Variants in LTBP3 observed in about 807,000 individuals in gnomAD.
The protein encoded by LTBP3 is latent transforming growth factor beta binding protein 3.
LTBP3 carries 97 observed loss-of-function variants against 159.7 expected under a neutral mutation model. The observed-to-expected ratio is 0.61, with a 90% confidence interval of 0.52 to 0.72. The LOEUF (loss-of-function observed/expected upper bound fraction) is 0.72, where lower values mean the gene tolerates loss of function less well. Ranked by LOEUF, LTBP3 falls within the 30% of genes least tolerant of loss-of-function variation. LTBP3 has a pLI of 0.00. For missense variants in LTBP3, 1,584 were observed against 1,864.3 expected (o/e 0.85, Z 2.77); for synonymous variants, 824 against 777.1 (o/e 1.06, Z -1.00).
chr11:65,553,251 C>G lies in LTBP3; in HGVS notation c.976G>C (p.Gly326Arg). Residue 326 changes from glycine to arginine, a missense_variant, in exon 5 of 28, where the codon GGA becomes CGA. This residue lies in a region of LTBP3 where 156 missense variants were observed against 259.7 expected (regional missense o/e 0.60). Transcript: ENST00000301873. This position sits in a 1 kb window ranked among gnomAD's most constrained non-coding sequence, Gnocchi z 6.5. ...CHKCPQLQYT[G>R]VQKPGPVRGE... ...CGTACAGGCCCTGGCTTCTGCACTC[C>G]TGTGTCTGCAGAGAGAGGATAGCTT... 1 of 1,613,632 alleles carries G rather than the reference C, an allele frequency of 6.2e-7. No homozygotes were observed. The highest frequency in any genetic ancestry group is 8.5e-7 in the Non-Finnish European group (1 of 1,179,582).
In LTBP3 at chr11:65,553,392, G is replaced by C. The variant is rs372360476; in HGVS notation, c.970+33C>G. 355 of 1,572,138 alleles carry C rather than the reference G, an allele frequency of 2.3e-4. No individual in the cohort carries two copies. The highest frequency in any genetic ancestry group is 4.2e-4 in the African/African-American group (31 of 74,250). On this transcript the variant is annotated intron_variant, in intron 4 of 27. Transcript: ENST00000301873. The surrounding 1 kb of genome is among the most constrained non-coding windows in gnomAD (Gnocchi z 6.5). ...TGGGGTGGGTGGGGAGGGGCCACCA[G>C]ATAGGGAACGCCCCCTGAGCCCAAG...
chr11:65,540,020 G>A lies in LTBP3; in HGVS notation c.3378C>T (p.Ser1126=), dbSNP rs2135119684. Residue 1126 remains serine (S), a synonymous_variant, in exon 24 of 28, where the codon AGC becomes AGT. Coordinates refer to ENST00000301873, the MANE Select transcript of LTBP3 (RefSeq NM_001130144.3). ...GCCAACCCTCGCCCTCACCGGCCGG[G>A]CTCTCGGGGAGCTGGCAATCGCGGC... The part of the protein sequence containing the change: ...PSGRDCQLPE[S]PAERAPERRD... 6.7e-7 allele frequency: 1 copy of A among 1,503,300 alleles called. No homozygotes were observed. The highest frequency in any genetic ancestry group is 8.8e-7 in the Non-Finnish European group (1 of 1,132,092). The allele number at this position is 1,503,300 out of a possible 1,614,324, so 93.1% of individuals were successfully genotyped here. A position where few individuals can be genotyped will look rare whatever the true frequency, so the allele number is the denominator to read the frequency against.
Position 65,552,882 on chromosome 11 carries a change from G to A in LTBP3, c.1164C>T (p.Gly388=). The change falls in exon 6 of 28, where the codon GGC becomes GGT. Residue 388 remains glycine, a synonymous_variant. Transcript: ENST00000301873. The surrounding 1 kb of genome is among the most constrained non-coding windows in gnomAD (Gnocchi z 6.0). ...CACCAATGCACTGTGTACGGGAGGG[G>A]CCTAAACTATGGCCAGGTGGGCAGA... is the stretch of plus-strand genomic sequence containing the variant. ...RCVCPPGHSL[G]PSRTQCIADK... is the part of the protein sequence containing the mutation. The A allele has an allele frequency of 6.2e-7, 1 of 1,614,214 alleles. No homozygotes were observed. Among genetic ancestry groups the A allele is most frequent in the Non-Finnish European group, 8.5e-7 (1 of 1,180,020 alleles).
chr11:65,543,387 G>C, intron 17 of LTBP3, 40 bp downstream of exon 17: 1 of 1,613,224 alleles, frequency 6.2e-7, no homozygotes, highest in Non-Finnish European at 8.5e-7. Flanking sequence ...TCCTGGGGTA[G>C]GGAGGGACAG....
rs937188963 is a variant in LTBP3 at position 65,543,137 on chromosome 11, C to G, written c.2564G>C (p.Gly855Ala). The G allele has an allele frequency of 6.2e-7, 1 of 1,614,038 alleles. No homozygotes were observed. The highest frequency in any genetic ancestry group is 1.3e-5 in the African/African-American group (1 of 74,914). The change falls in exon 18 of 28, where the codon GGG becomes GCG. Residue 855 changes from glycine to alanine, a missense_variant. Transcript: ENST00000301873. ...TTTCCTGCCACCCACCAGCCGATGCCCCTGGGGGCAAAGACATCTGTAGGA... is the reference window on the plus strand; with the variant it reads ...TTTCCTGCCACCCACCAGCCGATGCGCCTGGGGGCAAAGACATCTGTAGGA... ...NGSYRCLCPQ[G>A]HRLVGGRKCQ...
chr11:65,543,983 A>C, intron 16 of LTBP3: 4 of 265,572 alleles, frequency 1.5e-5, no homozygotes, highest in Non-Finnish European at 2.3e-5. Flanking sequence ...CACATCCCAG[A>C]CCCCTCCAAG....
Position 65,557,830 on chromosome 11 carries a change from C to A in LTBP3, c.130G>T (p.Gly44Trp). 7.1e-7 allele frequency: 1 copy of A among 1,408,370 alleles called. No individual in the cohort carries two copies. 87.2% of individuals were successfully genotyped at this position (1,408,370 alleles called of 1,614,324 possible). Residue 44 changes from glycine (G) to tryptophan (W), a missense_variant, in exon 1 of 28, where the codon GGG becomes TGG. Physicochemically the swap from Gly to Trp is radical, Grantham distance 184. Coordinates refer to ENST00000301873, the MANE Select transcript of LTBP3 (RefSeq NM_001130144.3). ...LLGLGGRVEG[G>W]PAGERGAGGG... ...CCTGCGCCCCGCTCGCCGGCCGGCC[C>A]CCCCTCGACCCTGCCGCCCAGGCCC...
rs1241562614 is a variant in LTBP3 at position 65,539,735 on chromosome 11, G to A, written c.3532C>T (p.Pro1178Ser). 6.5e-7 allele frequency: 1 copy of A among 1,546,074 alleles called. No homozygotes were observed. The highest frequency in any genetic ancestry group is 1.9e-5 in the Admixed American group (1 of 52,102). Residue 1178 changes from proline to serine, a missense_variant, in exon 25 of 28, where the codon CCG (proline) becomes TCG (serine). Physicochemically the swap from Pro to Ser is moderately conservative, Grantham distance 74. This residue lies in a region of LTBP3 where 514 missense variants were observed against 530.3 expected (regional missense o/e 0.97). Coordinates refer to ENST00000301873, the MANE Select transcript of LTBP3 (RefSeq NM_001130144.3). ...RGWGAQCRPC[P>S]PRGAGSHCPT... ...ACTGCCTTACCCGCGCCGCGCGGCG[G>A]GCACGGTCGGCATTGGGCGCCCCAG...
At position 65,546,341 on chromosome 11, in the gene LTBP3, T is replaced by A; in HGVS notation, c.2353+101A>T. 7.4e-7 allele frequency: 1 copy of A among 1,356,106 alleles called. No individual in the cohort carries two copies. The highest frequency in any genetic ancestry group is 1.5e-5 in the African/African-American group (1 of 66,274). The allele number at this position is 1,356,106 out of a possible 1,614,324, so 84.0% of individuals were successfully genotyped here. The stretch of plus-strand genomic sequence containing the variant: ...GTGAGCAGAGTCACCTGGGGATGAA[T>A]GAGCCACCTTCCACCCACTGTTTAC... On this transcript the variant is annotated intron_variant, in intron 16 of 27. Transcript: ENST00000301873. The surrounding 1 kb of genome is among the most constrained non-coding windows in gnomAD (Gnocchi z 4.0).
At position 65,540,562 on chromosome 11, in the gene LTBP3, G is replaced by A. The variant is rs1421349880; in HGVS notation, c.3030C>T (p.Cys1010=). The part of the protein sequence containing the change: ...FGSEICKEGK[C]VNTQPGYECY... ...ACTCGTAGCCAGGCTGCGTGTTCACGCACTTGCCCTCCTTGCAAATCTCCG... is the reference window on the plus strand; with the variant it reads ...ACTCGTAGCCAGGCTGCGTGTTCACACACTTGCCCTCCTTGCAAATCTCCG... Residue 1010 remains cysteine, a synonymous_variant, in exon 22 of 28, where the codon TGC becomes TGT. Transcript: ENST00000301873. 4.3e-6 allele frequency: 7 copies of A among 1,613,772 alleles called. No individual in the cohort carries two copies. In the East Asian group the frequency reaches 1.1e-4, roughly 26 times the overall value.
In LTBP3 at chr11:65,538,570, G is replaced by A. The variant is rs759489579; in HGVS notation, c.*510C>T. ...GGGAGCCCGGAAGCTGGACTGAACC[G>A]TGGCGGTGGCCCTTCCCGGCTGCGG... On this transcript the variant is annotated 3_prime_UTR_variant, in exon 28 of 28. Coordinates refer to ENST00000301873, the MANE Select transcript of LTBP3 (RefSeq NM_001130144.3). 7 of 1,608,848 alleles carry A rather than the reference G, an allele frequency of 4.4e-6. No homozygotes were observed. Among genetic ancestry groups the A allele is most frequent in the East Asian group, 4.5e-5 (2 of 44,736 alleles).
At chr11:65,541,866 G>T in intron 18 of LTBP3, 138 bp from the exon 19 acceptor site, 1 of 961,982 alleles carries the variant, frequency 1.0e-6, no homozygotes. Flanking sequence ...TGCTGTGTCT[G>T]TGCATGTGTC....
In LTBP3 at chr11:65,552,195, C is replaced by T; in HGVS notation, c.1346-38G>A. On this transcript the variant is annotated intron_variant, in intron 7 of 27. Transcript: ENST00000301873. This position sits in a 1 kb window ranked among gnomAD's most constrained non-coding sequence, Gnocchi z 6.0. ...CAGCAGACACAAAAGTGAGCATTTCCTGGACAGGTGCATGGACCTATGAAC... is the reference window on the plus strand; with the variant it reads ...CAGCAGACACAAAAGTGAGCATTTCTTGGACAGGTGCATGGACCTATGAAC... 6.2e-7 allele frequency: 1 copy of T among 1,614,174 alleles called. No individual in the cohort carries two copies. The highest frequency in any genetic ancestry group is 1.1e-5 in the South Asian group (1 of 91,086).
chr11:65,541,587 G>A lies in LTBP3; in HGVS notation c.2725+13C>T, dbSNP rs759942414. The A allele has an allele frequency of 6.2e-7, 1 of 1,614,118 alleles. No individual in the cohort carries two copies. On this transcript the variant is annotated intron_variant, in intron 19 of 27. Coordinates refer to ENST00000301873, the MANE Select transcript of LTBP3 (RefSeq NM_001130144.3). ...GTTGTCCAGTCCGAGGGAGGAGCTG[G>A]GAGGACACTCACCCTCACAACCGTG...
rs151333652 is a variant in LTBP3, at chr11:65,546,868, G to A, written c.2160C>T (p.Asn720=). The part of the protein sequence containing the change: ...PSSCPDGKCE[N]KPGSFKCIAC... Reference sequence around the variant, plus strand: ...CGATGCACTTGAAGCTCCCGGGCTTGTTCTCGCATTTGCCATCCGGGCAAG... The same window carrying A: ...CGATGCACTTGAAGCTCCCGGGCTTATTCTCGCATTTGCCATCCGGGCAAG... Residue 720 remains asparagine, a synonymous_variant, in exon 15 of 28, where the codon AAC becomes AAT. Coordinates refer to ENST00000301873, the MANE Select transcript of LTBP3 (RefSeq NM_001130144.3). This position sits in a 1 kb window ranked among gnomAD's most constrained non-coding sequence, Gnocchi z 4.0. The A allele has an allele frequency of 6.2e-7, 1 of 1,612,502 alleles. No individual in the cohort carries two copies. The highest frequency in any genetic ancestry group is 1.3e-5 in the African/African-American group (1 of 75,074).
In LTBP3 at chr11:65,543,612, T is replaced by A. The variant is rs1411850001; in HGVS notation, c.2354-63A>T. The A allele has an allele frequency of 2.5e-6, 4 of 1,607,546 alleles. 1 individual carries two copies. In the East Asian group the frequency reaches 8.9e-5, roughly 36 times the overall value. On this transcript the variant is annotated intron_variant, in intron 16 of 27. Coordinates refer to ENST00000301873, the MANE Select transcript of LTBP3 (RefSeq NM_001130144.3). ...TGGTCTTGGGTTTCTACTACTGTTT[T>A]CTCACTTCTGCGCATGGCCTGGAGC... is the stretch of plus-strand genomic sequence containing the variant.
chr11:65,553,231 A>G lies in LTBP3; in HGVS notation c.996T>C (p.Pro332=). The change falls in exon 5 of 28, where the codon CCT becomes CCC. Residue 332 remains proline (P), a synonymous_variant. Transcript: ENST00000301873. The surrounding 1 kb of genome is among the most constrained non-coding windows in gnomAD (Gnocchi z 6.5). ...LQYTGVQKPG[P]VRGEVGADCP... is the part of the protein sequence containing the mutation. ...AGTCAGCGCCCACTTCCCCACGTAC[A>G]GGCCCTGGCTTCTGCACTCCTGTGT... 6.2e-7 allele frequency: 1 copy of G among 1,614,128 alleles called. No individual in the cohort carries two copies. Among genetic ancestry groups the G allele is most frequent in the Non-Finnish European group, 8.5e-7 (1 of 1,180,002 alleles).
Position 65,541,717 on chromosome 11 carries a change from A to T in LTBP3, c.2608T>A (p.Cys870Ser). The T allele has an allele frequency of 6.2e-7, 1 of 1,613,986 alleles. No homozygotes were observed. Among genetic ancestry groups the T allele is most frequent in the Non-Finnish European group, 8.5e-7 (1 of 1,179,948 alleles). Reference sequence around the variant, plus strand: ...AGGCACAGGCTCGGGTCCTGGCTGCACTCATCTATGTCTGCGGGGCAAGAG... The same window carrying T: ...AGGCACAGGCTCGGGTCCTGGCTGCTCTCATCTATGTCTGCGGGGCAAGAG... ...GGRKCQDIDE[C>S]SQDPSLCLPH... is the part of the protein sequence containing the mutation. The change falls in exon 19 of 28, where the codon TGC (cysteine) becomes AGC (serine). Residue 870 changes from cysteine (C) to serine (S), a missense_variant. Physicochemically the swap from Cys to Ser is moderately radical, Grantham distance 112. Transcript: ENST00000301873.
rs765459938 is a variant in LTBP3 at position 65,554,247 on chromosome 11, G to T, written c.465C>A (p.Gly155=). 161 of 1,607,530 alleles carry T rather than the reference G, an allele frequency of 1.0e-4. No individual in the cohort carries two copies. The highest frequency in any genetic ancestry group is 1.3e-4 in the Non-Finnish European group (150 of 1,178,376). The change falls in exon 2 of 28, where the codon GGC becomes GGA. Residue 155 remains glycine (G), a synonymous_variant. Transcript: ENST00000301873. The surrounding 1 kb of genome is among the most constrained non-coding windows in gnomAD (Gnocchi z 5.3). ...GGGCCCCTGTCCTGCTCAGGCCGGG[G>T]CCTGAGCCGCCGGTACCCCCACCGG... ...GGAGGGTGGS[G]PGLSRTGALS... is the part of the protein sequence containing the mutation.
Sources: gnomAD v4.1 joint callset for allele counts on GRCh38, gnomAD v4.1.1 for gene constraint, gnomAD v4.1.1 regional missense constraint, Gnocchi (gnomAD v3.1) non-coding constraint, MANE v1.5 for transcripts, NCBI Gene and HGNC (gene_info 2026-07-23, HGNC 2026-07-21) for gene names.